Variants in KALRN observed in about 807,000 individuals in gnomAD.
KALRN encodes kalirin RhoGEF kinase, also known as kalirin.
In KALRN, 70 loss-of-function variants were observed where a neutral mutation model predicts 353.7. The observed-to-expected ratio is 0.20, with a 90% CI of 0.16 to 0.24. KALRN has a LOEUF of 0.24. Among genes scored for constraint, KALRN ranks in the 10% least tolerant of loss-of-function variants. The pLI is 1.00. For missense variants in KALRN, 2,791 were observed against 3,756.7 expected, an observed-to-expected ratio of 0.74 and a Z score of 6.72; for synonymous variants, 1,391 against 1,434.8, an observed-to-expected ratio of 0.97 and a Z score of 0.69.
chr3:124,393,720 A>G (rs1486142655), intron 11 of KALRN, among the ~76,000 whole-genome samples: 1 of 152,236 alleles, frequency 6.6e-6, no homozygotes, highest in East Asian at 1.9e-4. Context: ...AAATCTTATT[A>G]TTCCTATTTT....
chr3:124,552,822 G>A (rs1431052363), intron 33 of KALRN, among the ~76,000 whole-genome samples: 3 of 152,178 alleles, frequency 2.0e-5, no homozygotes, highest in Non-Finnish European at 4.4e-5. Flanking sequence ...CTGGAGTGCA[G>A]TGGTGCAATC....
intron 1 of KALRN, among the ~76,000 whole-genome samples, chr3:124,192,534 A>T (rs1220317949): frequency 6.6e-6 from 1 of 152,186 alleles, no homozygotes; most frequent in Non-Finnish European, 1.5e-5. Flanking sequence ...TAATTGAATT[A>T]TTTGTAACTC....
At chr3:124,313,560 A>G (rs2078498532) in intron 6 of KALRN, among the ~76,000 whole-genome samples, 1 of 152,174 alleles carries the variant, frequency 6.6e-6, no homozygotes, top group African/African-American at 2.4e-5. Flanking sequence ...TGTCAGCATT[A>G]AACTAGACCC....
intron 34 of KALRN, among the ~76,000 whole-genome samples, chr3:124,628,858 G>A (rs914626851): frequency 2.1e-5 from 3 of 143,822 alleles, no homozygotes; most frequent in African/African-American, 5.2e-5. Context: ...CCAAAATGCT[G>A]GGATTACATG....
intron 1 of KALRN, among the ~76,000 whole-genome samples, chr3:124,058,085 C>T (rs554830055): frequency 2.0e-5 from 3 of 152,130 alleles, no homozygotes; most frequent in Non-Finnish European, 2.9e-5. Flanking sequence ...AATCAGATCT[C>T]GTGAGACTCA....
rs372868698 is a variant in KALRN at position 124,097,627 on chromosome 3, A to G, written c.73+63814A>G. ...CACCTAGGAAAAGGCAGGAAACATT[A>G]GAACACATCATGGAGCTGAAATAAA... On this transcript the variant is annotated intron_variant, in intron 1 of 59. Coordinates refer to ENST00000682506, the MANE Select transcript of KALRN (RefSeq NM_001388419.1). Among the ~76,000 whole-genome samples, 4 of 152,386 alleles carry G rather than the reference A, an allele frequency of 2.6e-5. No individual in the cohort carries two copies. The East Asian group carries it at 7.7e-4, about 29-fold the overall frequency.
At chr3:124,418,187 GGTGAATAGGAAT>G (rs2092606107) in intron 14 of KALRN, among the ~76,000 whole-genome samples, 1 of 152,098 alleles carries the variant, frequency 6.6e-6, no homozygotes, top group Admixed American at 6.6e-5. Context: ...GCTACTCTGG[GGTGAATAGGAAT>G]GTGGATCTGA....
At chr3:124,454,418 T>C (rs890497645) in intron 21 of KALRN, among the ~76,000 whole-genome samples, 6 of 152,228 alleles carry the variant, frequency 3.9e-5, no homozygotes, top group African/African-American at 7.2e-5. Flanking sequence ...TTCCTAAGGA[T>C]GCATCTAAAC....
At chr3:124,247,388 T>A (rs139444863) in intron 3 of KALRN, among the ~76,000 whole-genome samples, 47 of 152,312 alleles carry the variant, frequency 3.1e-4, no homozygotes, top group African/African-American at 1.0e-3. Flanking sequence ...TTTGATACAA[T>A]CTTTCTCAAA....
intron 1 of KALRN, among the ~76,000 whole-genome samples, chr3:124,217,350 C>T (rs182655323): frequency 6.6e-6 from 1 of 152,178 alleles, no homozygotes; most frequent in African/African-American, 2.4e-5. Context: ...CTCCAGGAAT[C>T]TTTCCATGGC....
Position 124,637,226 on chromosome 3 carries a change from G to T in KALRN, c.5587G>T (p.Ala1863Ser). The T allele has an allele frequency of 6.2e-7, 1 of 1,614,126 alleles. No homozygotes were observed. ...QDEMSSSLLA[A>S]RQASTEVPTA... ...CTTGCAGTCCTCCTCTTTGCTAGCAGCCCGGCAGGCTTCCACTGAAGTACC... is the reference window on the plus strand; with the variant it reads ...CTTGCAGTCCTCCTCTTTGCTAGCATCCCGGCAGGCTTCCACTGAAGTACC... The change falls in exon 37 of 60, where the codon GCC (alanine) becomes TCC (serine). Residue 1863 changes from alanine to serine, a missense_variant. Physicochemically the swap from Ala to Ser is moderately conservative, Grantham distance 99. Transcript: ENST00000682506.
intron 3 of KALRN, among the ~76,000 whole-genome samples, chr3:124,260,972 C>T (rs1322156860): frequency 6.6e-6 from 1 of 152,120 alleles, no homozygotes; most frequent in Non-Finnish European, 1.5e-5. Flanking sequence ...ACTCCTGTCC[C>T]CAAACAAAAA....
intron 9 of KALRN, among the ~76,000 whole-genome samples, chr3:124,342,498 T>G (rs1325379300): frequency 6.6e-6 from 1 of 152,236 alleles, no homozygotes; most frequent in Non-Finnish European, 1.5e-5. Context: ...TTTCATTCTT[T>G]TTTATGGCTG....
intron 33 of KALRN, chr3:124,519,642 GTGTTC>G: frequency 2.0e-6 from 2 of 985,398 alleles, no homozygotes; most frequent in South Asian, 4.7e-5. Flanking sequence ...GACTTGTTCA[GTGTTC>G]TGAACTTTTC....
chr3:124,260,308 T>C (rs1342126290), intron 3 of KALRN, among the ~76,000 whole-genome samples: 10 of 152,192 alleles, frequency 6.6e-5, no homozygotes, highest in Non-Finnish European at 1.5e-5. Flanking sequence ...TTGGACTCCT[T>C]TGAGCTCCCA....
intron 34 of KALRN, among the ~76,000 whole-genome samples, chr3:124,603,042 G>T (rs2076977231): frequency 6.6e-6 from 1 of 152,064 alleles, no homozygotes; most frequent in Admixed American, 6.6e-5. Context: ...CCATGGGATG[G>T]GTTAGCACTT....
At chr3:124,696,764 G>T (rs1176724779) in intron 54 of KALRN, among the ~76,000 whole-genome samples, 1 of 151,976 alleles carries the variant, frequency 6.6e-6, no homozygotes, top group Non-Finnish European at 1.5e-5. Context: ...CACATTTTTG[G>T]GTTACCATCA....
chr3:124,655,246 C>T (rs1166847862), intron 38 of KALRN, among the ~76,000 whole-genome samples: 2 of 152,210 alleles, frequency 1.3e-5, no homozygotes, highest in Non-Finnish European at 2.9e-5. Flanking sequence ...TTTCAGAACG[C>T]AGTTTTGCCA....
chr3:124,190,895 A>C (rs1247843270), intron 1 of KALRN, among the ~76,000 whole-genome samples: 1 of 152,192 alleles, frequency 6.6e-6, no homozygotes, highest in African/African-American at 2.4e-5. Flanking sequence ...TTAAGGGCTT[A>C]GTCCCTAAGT....
Sources: gnomAD v4.1 joint callset for allele counts (sites outside exome capture counted in the v4.1 genomes callset) on GRCh38, gnomAD v4.1.1 for gene constraint, MANE v1.5 for transcripts, NCBI Gene and HGNC (gene_info 2026-07-23, HGNC 2026-07-21) for gene names.